Variants in DHX38 observed in about 807,000 individuals in gnomAD.
DHX38 encodes the protein DEAH-box helicase 38.
DHX38 carries 100 observed loss-of-function variants against 153.1 expected under a neutral mutation model. The observed-to-expected ratio is 0.65, with a 90% CI of 0.56 to 0.77. The LOEUF (loss-of-function observed/expected upper bound fraction) is 0.77. Ranked by LOEUF, DHX38 falls within the 30% of genes least tolerant of loss-of-function variation. The pLI is 0.00. For missense variants in DHX38, 1,440 were observed against 1,654.0 expected, an observed-to-expected ratio of 0.87 and a Z score of 2.24; for synonymous variants, 650 against 631.7, an observed-to-expected ratio of 1.03 and a Z score of -0.43.
In DHX38 at chr16:72,096,497, G is replaced by C; in HGVS notation, c.323+17G>C. 6.3e-7 allele frequency: 1 copy of C among 1,598,818 alleles called. No homozygotes were observed. Among genetic ancestry groups the C allele is most frequent in the East Asian group, 2.2e-5 (1 of 44,602 alleles). On this transcript the variant is annotated intron_variant, in intron 2 of 26. Coordinates refer to ENST00000268482, the MANE Select transcript of DHX38 (RefSeq NM_014003.4). ...GAAAGACAGGTAAAGGCCTTAGTAT[G>C]GGTTAGCCCAGAGGGAAGCGAACGG...
At chr16:72,094,872 T>C (rs2041987741) in intron 1 of DHX38, among the ~76,000 whole-genome samples, 1 of 152,272 alleles carries the variant, frequency 6.6e-6, no homozygotes, top group Non-Finnish European at 1.5e-5. Flanking sequence ...CAGGGTACCT[T>C]TCCTAGTTTA....
intron 7 of DHX38, 27 bp downstream of exon 7, chr16:72,099,307 G>C (rs1264902266): frequency 6.3e-7 from 1 of 1,574,880 alleles, no homozygotes; most frequent in Non-Finnish European, 8.6e-7. Flanking sequence ...CTGAGGGGCT[G>C]ATCGGGGCTG....
At chr16:72,101,459 CAT>C in intron 10 of DHX38, 39 bp from the exon 11 acceptor site, 1 of 1,528,246 alleles carries the variant, frequency 6.5e-7, no homozygotes, top group Non-Finnish European at 8.9e-7. Context: ...TGCTCGCAGT[CAT>C]GTGGCAGGAT....
At chr16:72,105,394 A>G (rs373082575) in intron 17 of DHX38, 46 bp downstream of exon 17, 14 of 1,604,756 alleles carry the variant, frequency 8.7e-6, no homozygotes, top group Non-Finnish European at 1.2e-5. Context: ...AGTTCTCTAA[A>G]GGAAGCGAGA....
At chr16:72,106,573 C>A (rs1344518713) in intron 19 of DHX38, among the ~76,000 whole-genome samples, 1 of 152,034 alleles carries the variant, frequency 6.6e-6, no homozygotes, top group Non-Finnish European at 1.5e-5. Context: ...CTCAGACTCC[C>A]AAGGGGCTGA....
intron 4 of DHX38, among the ~76,000 whole-genome samples, chr16:72,098,167 T>C (rs1330025820): frequency 1.3e-5 from 2 of 152,224 alleles, no homozygotes; most frequent in African/African-American, 4.8e-5. Flanking sequence ...GTGCAGTGGC[T>C]CATACCTGTA....
At chr16:72,095,894 G>GGTGTGTGT (rs67109934) in intron 1 of DHX38, among the ~76,000 whole-genome samples, 13 of 147,166 alleles carry the variant, frequency 8.8e-5, no homozygotes, top group Admixed American at 2.0e-4. Flanking sequence ...GAATGTATGG[G>GGTGTGTGT]GTGTGTGTGT....
At chr16:72,102,922 G>A (rs1317494654) in intron 11 of DHX38, 152 bp from the exon 12 acceptor site, 19 of 1,089,152 alleles carry the variant, frequency 1.7e-5, no homozygotes, top group Non-Finnish European at 2.3e-5. Context: ...TCCTGAGGTC[G>A]ATGAGAACCA....
chr16:72,094,047 G>C lies in DHX38; in HGVS notation c.-24G>C, dbSNP rs1250698228. 6.6e-6 allele frequency: 1 copy of C among 152,358 alleles called. No individual in the cohort carries two copies. The highest frequency in any genetic ancestry group is 2.4e-5 in the African/African-American group (1 of 41,462). The allele number at this position is 152,358 out of a possible 1,614,324, so 9.4% of individuals were successfully genotyped here. A position where few individuals can be genotyped will look rare whatever the true frequency, so the allele number is the denominator to read the frequency against. ...AGAAGGGTCCCAAGAGTCGCGCTTG[G>C]TGAGGTGAGAGTCCCTTCTTCCTTC... is the stretch of plus-strand genomic sequence containing the variant. On this transcript the variant is annotated 5_prime_UTR_variant, in exon 1 of 27. Coordinates refer to ENST00000268482, the MANE Select transcript of DHX38 (RefSeq NM_014003.4).
At chr16:72,100,948 T>G (rs1597441814) in intron 9 of DHX38, 138 bp from the exon 10 acceptor site, 1 of 888,890 alleles carries the variant, frequency 1.1e-6, no homozygotes, top group Non-Finnish European at 1.8e-6. Context: ...AGGCCTGATG[T>G]GGAGACAGAA....
rs201793070 is a variant in DHX38, at chr16:72,098,780, G to A, written c.752G>A (p.Arg251Gln). 3.0e-5 allele frequency: 49 copies of A among 1,614,166 alleles called. No homozygotes were observed. Among genetic ancestry groups the A allele is most frequent in the East Asian group, 6.7e-5 (3 of 44,874 alleles). The change falls in exon 5 of 27, where the codon CGA becomes CAA. Residue 251 changes from arginine (R) to glutamine (Q), a missense_variant. Transcript: ENST00000268482. ...DSERSHRLST[R>Q]DRDRSVRGKY... ...GAGCGGAGCCATCGGCTGTCCACTC[G>A]AGATCGAGACAGGTGATGTTCTGGG...
At chr16:72,112,292 C>T (rs749447566) in intron 26 of DHX38, 121 bp from the exon 27 acceptor site, 5 of 933,852 alleles carry the variant, frequency 5.4e-6, no homozygotes, top group African/African-American at 1.6e-5. Flanking sequence ...GAGGAGATCC[C>T]TCGGCCCAGA....
chr16:72,109,562 T>G (rs762552766), intron 25 of DHX38, 52 bp downstream of exon 25: 3 of 1,539,926 alleles, frequency 1.9e-6, no homozygotes, highest in Non-Finnish European at 2.6e-6. Flanking sequence ...GGGGTCGGTG[T>G]TCCCTCCGCT....
intron 26 of DHX38, among the ~76,000 whole-genome samples, chr16:72,111,605 A>G (rs2042257416): frequency 6.6e-6 from 1 of 152,192 alleles, no homozygotes; most frequent in African/African-American, 2.4e-5. Context: ...TATTATACCA[A>G]AAAGGTACAA....
At chr16:72,097,543 G>A in intron 3 of DHX38, 134 bp from the exon 4 acceptor site, 1 of 757,572 alleles carries the variant, frequency 1.3e-6, no homozygotes, top group South Asian at 1.8e-5. Context: ...TGAGTTTCAG[G>A]AGTCCACGGA....
chr16:72,107,631 C>G lies in DHX38; in HGVS notation c.2810-14C>G, dbSNP rs1279070079. 1 of 1,612,374 alleles carries G rather than the reference C, an allele frequency of 6.2e-7. No homozygotes were observed. Among genetic ancestry groups the G allele is most frequent in the Non-Finnish European group, 8.5e-7 (1 of 1,178,520 alleles). ...CTGTCCCGTCAAATATCCGGGTTTG[C>G]TCATCTCTCCTAGGTGGTCTGACCT... On this transcript the variant is annotated splice_polypyrimidine_tract_variant and intron_variant, in intron 20 of 26. Transcript: ENST00000268482. The surrounding 1 kb of genome is among the most constrained non-coding windows in gnomAD (Gnocchi z 5.3).
Position 72,103,161 on chromosome 16 carries a change from G to T in DHX38, c.1587G>T (p.Arg529Ser), listed in dbSNP as rs1432546909. ...AGAAGAAGTCCATCCTGGAGCAGAGGCAGTACCTGCCCATCTTTGCAGTGC... is the reference window on the plus strand; with the variant it reads ...AGAAGAAGTCCATCCTGGAGCAGAGTCAGTACCTGCCCATCTTTGCAGTGC... ...FAKKKSILEQRQYLPIFAVQQ... is the reference protein window; with the variant it reads ...FAKKKSILEQSQYLPIFAVQQ... Residue 529 changes from arginine to serine, a missense_variant, in exon 12 of 27, where the codon AGG (arginine) becomes AGT (serine). Physicochemically the swap from Arg to Ser is moderately radical, Grantham distance 110 (BLOSUM62 -1). Around this residue, in one of 6 missense-constraint regions of DHX38, gnomAD observed 241 missense variants for 229.5 expected, o/e 1.05. Coordinates refer to ENST00000268482, the MANE Select transcript of DHX38 (RefSeq NM_014003.4). 1 of 1,614,080 alleles carries T rather than the reference G, an allele frequency of 6.2e-7. No homozygotes were observed. Among genetic ancestry groups the T allele is most frequent in the Non-Finnish European group, 8.5e-7 (1 of 1,180,048 alleles).
At position 72,098,730 on chromosome 16, in the gene DHX38, C is replaced by A. The variant is rs1178520679; in HGVS notation, c.702C>A (p.Ser234=). The stretch of plus-strand genomic sequence containing the variant: ...GGCGCTCACAGTGGGAATCGCCCTC[C>A]CCGACGCCTTCCTATCGGGATTCTG... ...SSRRSQWESP[S]PTPSYRDSER... is the part of the protein sequence containing the mutation. The change falls in exon 5 of 27, where the codon TCC becomes TCA. Residue 234 remains serine, a synonymous_variant. Transcript: ENST00000268482. The A allele has an allele frequency of 6.2e-7, 1 of 1,614,200 alleles. No individual in the cohort carries two copies. Among genetic ancestry groups the A allele is most frequent in the Admixed American group, 1.7e-5 (1 of 60,022 alleles).
chr16:72,102,389 A>G (rs1406603852), intron 11 of DHX38, among the ~76,000 whole-genome samples: 1 of 152,094 alleles, frequency 6.6e-6, no homozygotes, highest in Non-Finnish European at 1.5e-5. Context: ...TCAGACAGGA[A>G]GTCTCTGGGG....
Sources: gnomAD v4.1 joint callset for allele counts (sites outside exome capture counted in the v4.1 genomes callset) on GRCh38, gnomAD v4.1.1 for gene constraint, gnomAD v4.1.1 regional missense constraint, Gnocchi (gnomAD v3.1) non-coding constraint, MANE v1.5 for transcripts, NCBI Gene and HGNC (gene_info 2026-07-23, HGNC 2026-07-21) for gene names.